CYP4X1: variants seen among roughly 807,000 people sequenced by gnomAD.
The protein encoded by CYP4X1 is cytochrome P450 family 4 subfamily X member 1.
A neutral mutation model predicts 57.9 loss-of-function variants in CYP4X1; 44 were observed. The observed-to-expected ratio is 0.76, with a 90% CI of 0.60 to 0.98. CYP4X1 has a LOEUF of 0.98. Ranked by LOEUF, CYP4X1 falls within the 50% of genes least tolerant of loss-of-function variation. The pLI is 0.00. For missense variants in CYP4X1, 532 were observed against 623.9 expected (o/e 0.85, Z 1.57); for synonymous variants, 227 against 228.6 (o/e 0.99, Z 0.06).
the CYP4X1 span, among the ~76,000 whole-genome samples, chr1:47,008,428 A>G: frequency 1.3e-5 from 2 of 152,240 alleles, no homozygotes; most frequent in Non-Finnish European, 2.9e-5. Flanking sequence ...AGGAAGCACT[A>G]AACATGGAAA....
intron 9 of CYP4X1, among the ~76,000 whole-genome samples, chr1:47,047,090 G>A (rs1457490699): frequency 6.6e-6 from 1 of 152,088 alleles, no homozygotes; most frequent in Non-Finnish European, 1.5e-5. Context: ...GTTAACAGAC[G>A]CTTATACAAT....
chr1:46,964,050 T>G, the CYP4X1 span, among the ~76,000 whole-genome samples: 2 of 152,370 alleles, frequency 1.3e-5, no homozygotes, highest in Admixed American at 1.3e-4. Flanking sequence ...TACTGAGGCT[T>G]ATGCATTCAT....
chr1:47,055,291 C>A (rs147832692), downstream of CYP4X1, among the ~76,000 whole-genome samples: 604 of 152,262 alleles, frequency 4.0e-3, 3 homozygotes, highest in African/African-American at 0.014. Flanking sequence ...GGTGGATAAG[C>A]TTTTTGATAT....
At chr1:47,030,431 T>A (rs1006796906) in intron 2 of CYP4X1, among the ~76,000 whole-genome samples, 2 of 152,096 alleles carry the variant, frequency 1.3e-5, no homozygotes, top group African/African-American at 2.4e-5. Context: ...GACTTCAGTG[T>A]CAGCAACACT....
At chr1:46,979,738 G>A in the CYP4X1 span, among the ~76,000 whole-genome samples, 1 of 152,136 alleles carries the variant, frequency 6.6e-6, no homozygotes, top group African/African-American at 2.4e-5. Context: ...ATAATATACT[G>A]GCAAACCGAA....
intron 8 of CYP4X1, among the ~76,000 whole-genome samples, chr1:47,041,372 A>ATTT (rs1418632684): frequency 1.3e-5 from 2 of 151,272 alleles, no homozygotes; most frequent in African/African-American, 4.8e-5. Flanking sequence ...ACTCCGTACA[A>ATTT]TTTTCCATAT....
At chr1:47,044,253 C>T (rs1261886063) in intron 8 of CYP4X1, among the ~76,000 whole-genome samples, 2 of 151,978 alleles carry the variant, frequency 1.3e-5, no homozygotes, top group Non-Finnish European at 2.9e-5. Flanking sequence ...TTTTGTTGCT[C>T]TACTATAGGT....
At chr1:46,979,446 T>TAG in the CYP4X1 span, among the ~76,000 whole-genome samples, 1 of 152,154 alleles carries the variant, frequency 6.6e-6, no homozygotes, top group Non-Finnish European at 1.5e-5. Context: ...AATCACTGAA[T>TAG]AGACCCATAA....
chr1:46,969,272 A>G, the CYP4X1 span, among the ~76,000 whole-genome samples: 1 of 152,196 alleles, frequency 6.6e-6, no homozygotes, highest in African/African-American at 2.4e-5. Context: ...TGAGGCCCTC[A>G]CCAGAAGCAA....
At position 47,050,709 on chromosome 1, in the gene CYP4X1, T is replaced by C. The variant is rs1644354115; in HGVS notation, c.*535T>C. On this transcript the variant is annotated 3_prime_UTR_variant, in exon 12 of 12. Coordinates refer to ENST00000371901, the MANE Select transcript of CYP4X1 (RefSeq NM_178033.2). ...TATAGATGTGATCATTCCTATATTG[T>C]TATTGATTTTTTTCACTTAATAAAA... 1 of 152,304 alleles carries C rather than the reference T, an allele frequency of 6.6e-6. No homozygotes were observed. Among genetic ancestry groups the C allele is most frequent in the Admixed American group, 6.5e-5 (1 of 15,290 alleles). 9.4% of individuals were successfully genotyped at this position (152,304 alleles called of 1,614,324 possible). A position where few individuals can be genotyped will look rare whatever the true frequency, so the allele number is the denominator to read the frequency against.
chr1:46,973,725 T>C, the CYP4X1 span, among the ~76,000 whole-genome samples: 1 of 152,150 alleles, frequency 6.6e-6, no homozygotes, highest in Admixed American at 6.5e-5. Flanking sequence ...GATGTGTTCA[T>C]AGTAGTCTCA....
chr1:47,030,172 A>G, intron 2 of CYP4X1, 41 bp downstream of exon 2: 1 of 1,577,038 alleles, frequency 6.3e-7, no homozygotes, highest in South Asian at 1.2e-5. Flanking sequence ...TTCCTCCTAG[A>G]AGTGAAATGC....
At chr1:47,049,899 T>G (rs1019344281) in intron 11 of CYP4X1, 101 bp from the exon 12 acceptor site, 2 of 1,214,904 alleles carry the variant, frequency 1.6e-6, no homozygotes, top group Non-Finnish European at 2.3e-6. Flanking sequence ...TGGAAAAATA[T>G]CACTTTACTG....
downstream of CYP4X1, chr1:47,050,778 T>C (rs989282916): frequency 2.0e-5 from 3 of 152,220 alleles, no homozygotes; most frequent in African/African-American, 7.2e-5. Flanking sequence ...TTCTGTAATA[T>C]GAATGTACTA....
At chr1:47,048,392 C>T (rs556710125) in intron 9 of CYP4X1, among the ~76,000 whole-genome samples, 173 bp from the exon 10 acceptor site, 1 of 152,310 alleles carries the variant, frequency 6.6e-6, no homozygotes. Context: ...AGCTAAGGTG[C>T]CAACCCAAGC....
chr1:47,013,364 G>T, the CYP4X1 span, among the ~76,000 whole-genome samples: 10 of 152,264 alleles, frequency 6.6e-5, no homozygotes, highest in East Asian at 5.8e-4. Flanking sequence ...CGTTTCTCAG[G>T]CTTCAACTTG....
At chr1:47,046,270 A>G (rs966549961) in intron 8 of CYP4X1, among the ~76,000 whole-genome samples, 197 bp from the exon 9 acceptor site, 1 of 152,172 alleles carries the variant, frequency 6.6e-6, no homozygotes, top group African/African-American at 2.4e-5. Flanking sequence ...AGGATATATG[A>G]TATATTTCTT....
At position 47,025,711 on chromosome 1, in the gene CYP4X1, C is replaced by T. The variant is rs182227389; in HGVS notation, c.177+1717C>T. Among the ~76,000 whole-genome samples the T allele has an allele frequency of 9.9e-5, 15 of 152,156 alleles. No individual in the cohort carries two copies. In the East Asian group the frequency reaches 2.9e-3, roughly 29 times the overall value. ...ATTTGTCACTATTTTTTTCCAAATCCTCTAATAGATCTGTCAAACACATCT... is the reference window on the plus strand; with the variant it reads ...ATTTGTCACTATTTTTTTCCAAATCTTCTAATAGATCTGTCAAACACATCT... On this transcript the variant is annotated intron_variant, in intron 1 of 11. Transcript: ENST00000371901.
chr1:46,963,281 T>C, the CYP4X1 span, among the ~76,000 whole-genome samples: 1 of 152,314 alleles, frequency 6.6e-6, no homozygotes, highest in South Asian at 2.1e-4. Context: ...TATGTGTGAA[T>C]TTGATCCTGT....
Sources: allele counts gnomAD v4.1 joint callset (sites outside exome capture counted in the v4.1 genomes callset), GRCh38; gene constraint gnomAD v4.1.1; transcripts MANE v1.5; gene names NCBI Gene and HGNC (gene_info 2026-07-23, HGNC 2026-07-21).